PRKD1: variants seen among roughly 807,000 people sequenced by gnomAD.
The protein encoded by PRKD1 is serine/threonine-protein kinase D1.
PRKD1 carries 63 observed loss-of-function variants against 95.9 expected under a neutral mutation model. The ratio of observed to expected loss-of-function variants is 0.66; its 90% confidence interval spans 0.54 to 0.81. PRKD1 has a LOEUF of 0.81. Among genes scored for constraint, PRKD1 ranks in the 30% least tolerant of loss-of-function variants. The pLI, the probability that PRKD1 is intolerant of heterozygous loss-of-function variation, is 0.00. For missense variants in PRKD1, 1,048 were observed against 1,165.3 expected (o/e 0.90, Z 1.47); for synonymous variants, 425 against 423.1 (o/e 1.00, Z -0.05).
At chr14:29,729,858 A>G (rs1886345726) in intron 1 of PRKD1, among the ~76,000 whole-genome samples, 1 of 152,034 alleles carries the variant, frequency 6.6e-6, no homozygotes, top group Non-Finnish European at 1.5e-5. Flanking sequence ...AATTCAAAAT[A>G]TTTTCTATCA....
chr14:29,873,065 C>T (rs1410181510), intron 1 of PRKD1, among the ~76,000 whole-genome samples: 1 of 151,964 alleles, frequency 6.6e-6, no homozygotes, highest in African/African-American at 2.4e-5. Flanking sequence ...TTGATGCTGC[C>T]TATACTACTT....
At chr14:29,838,614 C>G (rs545388197) in intron 1 of PRKD1, among the ~76,000 whole-genome samples, 2 of 152,240 alleles carry the variant, frequency 1.3e-5, no homozygotes, top group Admixed American at 1.3e-4. Flanking sequence ...TGCCACATTA[C>G]TCAATCCACA....
rs145450834 is a variant in PRKD1, at chr14:29,752,645, T to C, written c.265-26971A>G. 3.6e-4 allele frequency among the ~76,000 whole-genome samples: 55 copies of C among 151,966 alleles called. No individual in the cohort carries two copies. The East Asian group carries it at 4.4e-3, about 12-fold the overall frequency. ...ATAGGAATCAGATAACACTTTCTTA[T>C]GCAAAATTCATTTTTAAGAACCCAT... On this transcript the variant is annotated intron_variant, in intron 1 of 17. Transcript: ENST00000331968.
Position 29,599,858 on chromosome 14 carries a change from T to C in PRKD1, c.1906-41A>G, listed in dbSNP as rs45616832. 327 of 1,561,470 alleles carry C rather than the reference T, an allele frequency of 2.1e-4. 1 individual carries two copies. In the Middle Eastern group the frequency reaches 3.4e-3, roughly 16 times the overall value. On this transcript the variant is annotated intron_variant, in intron 13 of 17. Transcript: ENST00000331968. ...AAAGCACTTGAAGAAAATGAGTTTT[T>C]TGATACTGTTTGGCAAGCTCGCTGA...
intron 2 of PRKD1, among the ~76,000 whole-genome samples, chr14:29,679,819 TC>T (rs1424184467): frequency 6.6e-6 from 1 of 151,000 alleles, no homozygotes; most frequent in Non-Finnish European, 1.5e-5. Flanking sequence ...CCTCTGCCTC[TC>T]AGGTTCCAGC....
chr14:29,908,936 C>T (rs918730808), intron 1 of PRKD1, among the ~76,000 whole-genome samples: 1 of 152,198 alleles, frequency 6.6e-6, no homozygotes, highest in Non-Finnish European at 1.5e-5. Context: ...ACTATGGGAG[C>T]CCCTCTCTGG....
rs529417494 is a variant in PRKD1 at position 29,864,195 on chromosome 14, T to A, written c.264+63054A>T. Among the ~76,000 whole-genome samples the A allele has an allele frequency of 7.2e-5, 11 of 152,194 alleles. No individual in the cohort carries two copies. The East Asian group carries it at 1.7e-3, about 24-fold the overall frequency. ...ATATGTGAATTCCACAGGCAACATA[T>A]TAATATTCCAACCAATATAACACAG... is the stretch of plus-strand genomic sequence containing the variant. On this transcript the variant is annotated intron_variant, in intron 1 of 17. Coordinates refer to ENST00000331968, the MANE Select transcript of PRKD1 (RefSeq NM_002742.3).
At chr14:29,625,254 A>T (rs577528167) in intron 12 of PRKD1, among the ~76,000 whole-genome samples, 2 of 151,814 alleles carry the variant, frequency 1.3e-5, no homozygotes, top group East Asian at 3.9e-4. Context: ...CAACTTAGCC[A>T]TTTTCCTGCA....
At chr14:29,758,131 G>A (rs571683315) in intron 1 of PRKD1, among the ~76,000 whole-genome samples, 2 of 151,528 alleles carry the variant, frequency 1.3e-5, no homozygotes, top group East Asian at 3.9e-4. Flanking sequence ...GTTTCCTAAC[G>A]GAGTAAATAA....
At chr14:29,868,043 A>G (rs1446744888) in intron 1 of PRKD1, among the ~76,000 whole-genome samples, 1 of 152,156 alleles carries the variant, frequency 6.6e-6, no homozygotes, top group Non-Finnish European at 1.5e-5. Context: ...CAGAATAGGG[A>G]TCTTATTTAT....
intron 8 of PRKD1, 71 bp from the exon 9 acceptor site, chr14:29,633,017 G>T (rs1006367317): frequency 1.4e-6 from 2 of 1,385,386 alleles, no homozygotes; most frequent in Non-Finnish European, 2.1e-6. Context: ...AACATAAATA[G>T]ATTTCCCCAA....
At chr14:29,840,251 T>C (rs902161454) in intron 1 of PRKD1, among the ~76,000 whole-genome samples, 3 of 152,072 alleles carry the variant, frequency 2.0e-5, no homozygotes, top group African/African-American at 7.2e-5. Flanking sequence ...GTTCCACAAA[T>C]CTCCAGGGCA....
chr14:29,749,699 G>A (rs1409347684), intron 1 of PRKD1, among the ~76,000 whole-genome samples: 1 of 152,062 alleles, frequency 6.6e-6, no homozygotes, highest in Non-Finnish European at 1.5e-5. Flanking sequence ...TTAGTACAGG[G>A]TGTGGTCACA....
chr14:29,734,771 C>T (rs1886635692), intron 1 of PRKD1, among the ~76,000 whole-genome samples: 1 of 152,212 alleles, frequency 6.6e-6, no homozygotes, highest in Non-Finnish European at 1.5e-5. Flanking sequence ...GATCCTTACA[C>T]AGATTTCTGG....
At chr14:29,684,383 G>T (rs45562033) in intron 2 of PRKD1, among the ~76,000 whole-genome samples, 1 of 152,086 alleles carries the variant, frequency 6.6e-6, no homozygotes, top group East Asian at 1.9e-4. Context: ...TTGAGACATA[G>T]ATAAACATTT....
At chr14:29,836,344 T>G (rs893157176) in intron 1 of PRKD1, among the ~76,000 whole-genome samples, 1 of 152,128 alleles carries the variant, frequency 6.6e-6, no homozygotes, top group South Asian at 2.1e-4. Flanking sequence ...AAAATTAATA[T>G]GATAACTGGA....
chr14:29,855,309 A>G (rs919911071), intron 1 of PRKD1, among the ~76,000 whole-genome samples: 2 of 152,240 alleles, frequency 1.3e-5, no homozygotes, highest in Non-Finnish European at 2.9e-5. Context: ...ATGGGAACCC[A>G]TATCTTATAT....
At chr14:29,905,435 T>C (rs370112259) in intron 1 of PRKD1, among the ~76,000 whole-genome samples, 22 of 152,136 alleles carry the variant, frequency 1.4e-4, no homozygotes, top group African/African-American at 4.8e-4. Context: ...TTAAAATGCC[T>C]AGGTAAAATA....
intron 2 of PRKD1, among the ~76,000 whole-genome samples, chr14:29,670,934 ACATCTTT>A (rs1882801962): frequency 1.3e-5 from 2 of 152,182 alleles, no homozygotes; most frequent in South Asian, 4.1e-4. Flanking sequence ...ACTTGCAATA[ACATCTTT>A]CAGATGGGTG....
Sources: gnomAD v4.1 joint callset for allele counts (sites outside exome capture counted in the v4.1 genomes callset) on GRCh38, gnomAD v4.1.1 for gene constraint, MANE v1.5 for transcripts, NCBI Gene and HGNC (gene_info 2026-07-23, HGNC 2026-07-21) for gene names.